Variants in BMPR1B observed in about 807,000 individuals in gnomAD.
BMPR1B encodes the protein bone morphogenetic protein receptor type-1B.
BMPR1B carries 12 observed loss-of-function variants against 59.1 expected under a neutral mutation model. The ratio of observed to expected loss-of-function variants is 0.20; its 90% CI spans 0.13 to 0.33. The LOEUF (loss-of-function observed/expected upper bound fraction) is 0.33, where lower values mean the gene tolerates loss of function less well. BMPR1B is among the 10% of genes least tolerant of loss of function. The pLI, the probability that BMPR1B is intolerant of heterozygous loss-of-function variation, is 1.00. For synonymous variants in BMPR1B, 237 were observed against 207.3 expected (o/e 1.14, Z -1.23); for missense variants, 550 against 610.9 (o/e 0.90, Z 1.05).
At chr4:95,150,466 AAAAAC>A (rs1734960899) in intron 11 of BMPR1B, among the ~76,000 whole-genome samples, 2 of 151,972 alleles carry the variant, frequency 1.3e-5, no homozygotes, top group Non-Finnish European at 2.9e-5. Flanking sequence ...AAAAAAAAAA[AAAAAC>A]AAGTAGACGA....
chr4:94,989,187 G>A (rs553959600), intron 2 of BMPR1B, among the ~76,000 whole-genome samples: 4 of 151,898 alleles, frequency 2.6e-5, no homozygotes, highest in Admixed American at 6.6e-5. Context: ...TGAAGAGATC[G>A]AGACCATCCT....
intron 10 of BMPR1B, among the ~76,000 whole-genome samples, chr4:95,137,618 G>T (rs1170515957): frequency 6.6e-6 from 1 of 152,166 alleles, no homozygotes; most frequent in Non-Finnish European, 1.5e-5. Context: ...ATATATTTAG[G>T]ATAGTTAGCT....
intron 3 of BMPR1B, among the ~76,000 whole-genome samples, chr4:95,080,029 A>G (rs538103858): frequency 2.5e-3 from 388 of 152,304 alleles, no homozygotes; most frequent in Non-Finnish European, 4.2e-3. Flanking sequence ...ATGAAGACTC[A>G]GGAGCTTAAT....
chr4:94,813,084 AT>A (rs1260388743), intron 1 of BMPR1B, among the ~76,000 whole-genome samples: 1 of 151,954 alleles, frequency 6.6e-6, no homozygotes, highest in Non-Finnish European at 1.5e-5. Context: ...TTAAGCAAAT[AT>A]TTACAGAGCA....
chr4:94,871,516 C>G (rs1366428174), intron 1 of BMPR1B, among the ~76,000 whole-genome samples: 1 of 152,082 alleles, frequency 6.6e-6, no homozygotes, highest in Non-Finnish European at 1.5e-5. Flanking sequence ...GGAAGGAAAT[C>G]TATATCCCCT....
chr4:94,784,182 T>G (rs1419524514), intron 1 of BMPR1B, among the ~76,000 whole-genome samples: 1 of 152,202 alleles, frequency 6.6e-6, no homozygotes, highest in Non-Finnish European at 1.5e-5. Flanking sequence ...TCTGTGGAGC[T>G]CCTCATACTG....
chr4:94,936,215 T>C (rs956817234), intron 2 of BMPR1B, among the ~76,000 whole-genome samples: 8 of 152,268 alleles, frequency 5.3e-5, no homozygotes, highest in Non-Finnish European at 1.0e-4. Context: ...ATTAAATCAT[T>C]AATGTTAAAG....
chr4:94,880,661 C>T (rs1726924981), intron 2 of BMPR1B, among the ~76,000 whole-genome samples: 1 of 109,006 alleles, frequency 9.2e-6, no homozygotes, highest in Non-Finnish European at 1.9e-5. Context: ...TTTTTTGAGA[C>T]AGAGTTTCAC....
Position 95,064,054 on chromosome 4 carries a change from A to G in BMPR1B, c.-17-40354A>G, listed in dbSNP as rs183681291. 9.8e-5 allele frequency among the ~76,000 whole-genome samples: 15 copies of G among 152,286 alleles called. No individual in the cohort carries two copies. In the East Asian group the frequency reaches 2.7e-3, roughly 27 times the overall value. ...CTGTTAGTTGGAGTATAATAGTTTC[A>G]ACCATTTTTAAGAGTGATATATATC... On this transcript the variant is annotated intron_variant, in intron 3 of 12. Coordinates refer to ENST00000515059, the MANE Select transcript of BMPR1B (RefSeq NM_001203.3).
chr4:94,927,028 A>G (rs1017210832), intron 2 of BMPR1B, among the ~76,000 whole-genome samples: 3 of 152,162 alleles, frequency 2.0e-5, no homozygotes, highest in Non-Finnish European at 4.4e-5. Flanking sequence ...TAATCCATTT[A>G]CCCACAATTC....
chr4:94,779,919 G>A (rs1211167869), intron 1 of BMPR1B, among the ~76,000 whole-genome samples: 1 of 151,970 alleles, frequency 6.6e-6, no homozygotes, highest in Non-Finnish European at 1.5e-5. Context: ...ATATTAAGCT[G>A]TATCAAATTA....
chr4:94,902,249 C>T (rs10028220), intron 2 of BMPR1B, among the ~76,000 whole-genome samples: 1 of 68,990 alleles, frequency 1.4e-5, no homozygotes, highest in East Asian at 6.5e-4. Context: ...CACACACACA[C>T]AGAGAGAGAG....
intron 6 of BMPR1B, among the ~76,000 whole-genome samples, chr4:95,119,803 A>T (rs535255945): frequency 2.5e-4 from 38 of 152,344 alleles, no homozygotes; most frequent in Middle Eastern, 3.4e-3. Flanking sequence ...AGTAAATCAT[A>T]ACACTGACCA....
At position 95,014,816 on chromosome 4, in the gene BMPR1B, G is replaced by A. The variant is rs145969704; in HGVS notation, c.-18+18682G>A. On this transcript the variant is annotated intron_variant, in intron 3 of 12. Transcript: ENST00000515059. ...AAGATTCGGACCTTTTTGAGATGTCGTTATTTCCCAGTGACTGGTGGTTTA... is the reference window on the plus strand; with the variant it reads ...AAGATTCGGACCTTTTTGAGATGTCATTATTTCCCAGTGACTGGTGGTTTA... Among the ~76,000 whole-genome samples, 906 of 152,220 alleles carry A rather than the reference G, an allele frequency of 6.0e-3. 3 individuals are homozygous for A. The highest frequency in any genetic ancestry group is 0.02 in the African/African-American group (842 of 41,546).
intron 3 of BMPR1B, among the ~76,000 whole-genome samples, chr4:95,014,171 A>G (rs1210451047): frequency 6.6e-6 from 1 of 152,228 alleles, no homozygotes; most frequent in African/African-American, 2.4e-5. Context: ...TGAGACAGCT[A>G]ATAAGTAGTA....
At chr4:94,982,846 G>A (rs1201112112) in intron 2 of BMPR1B, among the ~76,000 whole-genome samples, 1 of 152,112 alleles carries the variant, frequency 6.6e-6, no homozygotes, top group Non-Finnish European at 1.5e-5. Flanking sequence ...TTAGCCAGGT[G>A]TGATGGTGGG....
chr4:95,152,228 T>C (rs1167303735), intron 11 of BMPR1B, among the ~76,000 whole-genome samples: 1 of 152,182 alleles, frequency 6.6e-6, no homozygotes, highest in Non-Finnish European at 1.5e-5. Flanking sequence ...CACTTCTGAA[T>C]TTATTATGAT....
Position 94,835,990 on chromosome 4 carries a change from A to G in BMPR1B, c.-182-39841A>G, listed in dbSNP as rs1724798983. On this transcript the variant is annotated intron_variant, in intron 1 of 12. Coordinates refer to ENST00000515059, the MANE Select transcript of BMPR1B (RefSeq NM_001203.3). The stretch of plus-strand genomic sequence containing the variant: ...TGATCTCATTGTTCAATTCCCACCT[A>G]TGAGTGAGAATGTGCGGTGTTTGGT... Among the ~76,000 whole-genome samples, 3 of 141,420 alleles carry G rather than the reference A, an allele frequency of 2.1e-5. No individual in the cohort carries two copies. The South Asian group carries it at 6.9e-4, about 32-fold the overall frequency. 92.8% of individuals were successfully genotyped at this position (141,420 alleles called of 152,430 possible).
At chr4:94,793,139 G>A (rs1258920433) in intron 1 of BMPR1B, among the ~76,000 whole-genome samples, 1 of 151,942 alleles carries the variant, frequency 6.6e-6, no homozygotes, top group Non-Finnish European at 1.5e-5. Context: ...TTAGCATTAG[G>A]TATATCTCCC....
Sources: gnomAD v4.1 joint callset for allele counts (sites outside exome capture counted in the v4.1 genomes callset) on GRCh38, gnomAD v4.1.1 for gene constraint, MANE v1.5 for transcripts, NCBI Gene and HGNC (gene_info 2026-07-23, HGNC 2026-07-21) for gene names.